PTPRK: variants seen among roughly 807,000 people sequenced by gnomAD.
PTPRK encodes the protein protein tyrosine phosphatase receptor type K.
PTPRK carries 75 observed loss-of-function variants against 178.0 expected under a neutral mutation model. The observed-to-expected ratio is 0.42, with a 90% CI of 0.35 to 0.51. PTPRK has a LOEUF of 0.51. Ranked by LOEUF, PTPRK falls within the 20% of genes least tolerant of loss-of-function variation. The pLI, the probability that PTPRK is intolerant of heterozygous loss-of-function variation, is 0.02. For missense variants in PTPRK, 1,441 were observed against 1,797.8 expected (o/e 0.80, Z 3.59); for synonymous variants, 637 against 620.6 (o/e 1.03, Z -0.39).
chr6:128,286,770 A>C (rs953900702), intron 3 of PTPRK, among the ~76,000 whole-genome samples: 1 of 152,188 alleles, frequency 6.6e-6, no homozygotes, highest in Non-Finnish European at 1.5e-5. Context: ...GTTATGTGTA[A>C]ATTAATCTAA....
At chr6:128,287,494 C>T (rs1284510513) in intron 3 of PTPRK, among the ~76,000 whole-genome samples, 1 of 152,192 alleles carries the variant, frequency 6.6e-6, no homozygotes, top group Admixed American at 6.6e-5. Flanking sequence ...TCTGCTCTTT[C>T]ACCTCAGAGG....
intron 13 of PTPRK, among the ~76,000 whole-genome samples, chr6:128,032,290 G>A (rs542658782): frequency 9.9e-5 from 15 of 152,088 alleles, no homozygotes; most frequent in Non-Finnish European, 2.2e-4. Flanking sequence ...TGGGCTCTAT[G>A]CTGTGTTTTT....
At chr6:128,493,310 C>T (rs1297400142) in intron 1 of PTPRK, among the ~76,000 whole-genome samples, 1 of 152,176 alleles carries the variant, frequency 6.6e-6, no homozygotes, top group Non-Finnish European at 1.5e-5. Context: ...CGCCTGCAAT[C>T]CCAGCACTTT....
At chr6:128,409,022 G>C (rs939581243) in intron 1 of PTPRK, among the ~76,000 whole-genome samples, 7 of 152,124 alleles carry the variant, frequency 4.6e-5, no homozygotes, top group African/African-American at 1.7e-4. Context: ...AAGAGATGTT[G>C]AATCAATTAC....
rs1851314767 is a variant in PTPRK, at chr6:128,475,896, C to A, written c.100+44363G>T. Among the ~76,000 whole-genome samples the A allele has an allele frequency of 2.6e-5, 4 of 152,162 alleles. No individual in the cohort carries two copies. The South Asian group carries it at 6.2e-4, about 24-fold the overall frequency. On this transcript the variant is annotated intron_variant, in intron 1 of 29. Transcript: ENST00000368226. Reference sequence around the variant, plus strand: ...ACAGTATATGGCCATATCCATTATACACGATGTTCAGTGTCAAGTATTTGT... The same window carrying A: ...ACAGTATATGGCCATATCCATTATAAACGATGTTCAGTGTCAAGTATTTGT...
chr6:128,242,642 T>C (rs779928222), intron 3 of PTPRK, 40 bp from the exon 4 acceptor site: 1 of 1,602,388 alleles, frequency 6.2e-7, no homozygotes, highest in Non-Finnish European at 8.5e-7. Flanking sequence ...ACAATAGTTT[T>C]CAAGGAATTT....
chr6:128,336,209 T>G (rs1162706468), intron 2 of PTPRK, among the ~76,000 whole-genome samples: 2 of 152,136 alleles, frequency 1.3e-5, no homozygotes, highest in Non-Finnish European at 2.9e-5. Context: ...TTTTGTTTTT[T>G]TTTGTTTGTT....
chr6:128,219,383 T>C (rs1212679480), intron 5 of PTPRK, among the ~76,000 whole-genome samples: 1 of 152,216 alleles, frequency 6.6e-6, no homozygotes, highest in Non-Finnish European at 1.5e-5. Flanking sequence ...CATCAGGCAT[T>C]AGATTCTCAC....
chr6:128,508,827 A>G (rs551607252), intron 1 of PTPRK, among the ~76,000 whole-genome samples: 1 of 152,016 alleles, frequency 6.6e-6, no homozygotes, highest in Non-Finnish European at 1.5e-5. Flanking sequence ...GGTGCCTGTA[A>G]TCCCAGCTAC....
At chr6:128,355,980 T>C (rs1446671830) in intron 2 of PTPRK, among the ~76,000 whole-genome samples, 1 of 152,184 alleles carries the variant, frequency 6.6e-6, no homozygotes, top group South Asian at 2.1e-4. Flanking sequence ...GTGAGACAAT[T>C]AAAAGGCAAA....
chr6:128,148,976 C>A (rs996738967), intron 7 of PTPRK, among the ~76,000 whole-genome samples: 1 of 151,958 alleles, frequency 6.6e-6, no homozygotes, highest in South Asian at 2.1e-4. Context: ...AATTTAATTA[C>A]CTGTTTCCAT....
At chr6:128,204,555 C>T (rs1180690586) in intron 6 of PTPRK, among the ~76,000 whole-genome samples, 4 of 151,462 alleles carry the variant, frequency 2.6e-5, no homozygotes, top group African/African-American at 9.7e-5. Flanking sequence ...TTATAAGGAA[C>T]TTAAGCGAAT....
intron 1 of PTPRK, among the ~76,000 whole-genome samples, chr6:128,518,494 A>G (rs17461759): frequency 0.076 from 11,617 of 152,294 alleles, 489 homozygotes; most frequent in Non-Finnish European, 0.1. Flanking sequence ...ACTCTTGAAT[A>G]CATGTAAGTT....
chr6:128,296,458 T>A (rs1441992291), intron 3 of PTPRK, among the ~76,000 whole-genome samples: 1 of 152,064 alleles, frequency 6.6e-6, no homozygotes, highest in East Asian at 1.9e-4. Context: ...GAAAAAATGT[T>A]AAGGGCAGCC....
At chr6:128,267,001 A>G (rs559889493) in intron 3 of PTPRK, among the ~76,000 whole-genome samples, 10 of 152,266 alleles carry the variant, frequency 6.6e-5, no homozygotes, top group Admixed American at 5.2e-4. Flanking sequence ...GATATTGAAC[A>G]TTGTTATTAA....
chr6:128,144,767 T>C (rs1796242000), intron 7 of PTPRK, among the ~76,000 whole-genome samples: 1 of 152,202 alleles, frequency 6.6e-6, no homozygotes, highest in South Asian at 2.1e-4. Flanking sequence ...AGGTATTTAA[T>C]AGTACTGAAT....
At chr6:128,317,186 A>T (rs899555565) in intron 3 of PTPRK, among the ~76,000 whole-genome samples, 1 of 152,188 alleles carries the variant, frequency 6.6e-6, no homozygotes, top group African/African-American at 2.4e-5. Flanking sequence ...TTTACTAAAG[A>T]CAAAAAATGG....
At chr6:128,206,263 G>A (rs1048796769) in intron 6 of PTPRK, among the ~76,000 whole-genome samples, 6 of 151,570 alleles carry the variant, frequency 4.0e-5, no homozygotes, top group African/African-American at 1.5e-4. Context: ...AAAAAAGTCT[G>A]GTGATATTTA....
At chr6:128,310,791 C>G (rs202198272) in intron 3 of PTPRK, among the ~76,000 whole-genome samples, 1 of 152,212 alleles carries the variant, frequency 6.6e-6, no homozygotes, top group Non-Finnish European at 1.5e-5. Context: ...CCACTTTATT[C>G]TCCAGGAGAT....
Sources: allele counts gnomAD v4.1 joint callset (sites outside exome capture counted in the v4.1 genomes callset), GRCh38; gene constraint gnomAD v4.1.1; transcripts MANE v1.5; gene names NCBI Gene and HGNC (gene_info 2026-07-23, HGNC 2026-07-21).